CTNND2: variants seen among roughly 807,000 people sequenced by gnomAD.
CTNND2 encodes catenin delta-2.
A neutral mutation model predicts 144.4 loss-of-function variants in CTNND2; 22 were observed. The observed-to-expected ratio is 0.15, with a 90% confidence interval of 0.11 to 0.22. The LOEUF is 0.22. Ranked by LOEUF, CTNND2 falls within the 10% of genes least tolerant of loss-of-function variation. The pLI is 1.00. For synonymous variants in CTNND2, 751 were observed against 695.6 expected, an observed-to-expected ratio of 1.08 and a Z score of -1.25; for missense variants, 1,353 against 1,618.8, an observed-to-expected ratio of 0.84 and a Z score of 2.82.
intron 1 of CTNND2, among the ~76,000 whole-genome samples, chr5:11,785,369 G>C (rs925279763): frequency 6.6e-6 from 1 of 152,062 alleles, no homozygotes; most frequent in Admixed American, 6.6e-5. Context: ...GAGTAAAGAA[G>C]GGTTAATTCG....
intron 2 of CTNND2, among the ~76,000 whole-genome samples, chr5:11,701,910 T>G (rs145615167): frequency 2.1e-3 from 316 of 152,254 alleles, no homozygotes; most frequent in African/African-American, 7.3e-3. Flanking sequence ...CAACGGAAGT[T>G]TAAAGAGAAC....
chr5:11,285,990 T>C (rs892853733), intron 9 of CTNND2, among the ~76,000 whole-genome samples: 16 of 67,824 alleles, frequency 2.4e-4, no homozygotes, highest in Non-Finnish European at 3.9e-4. Context: ...GGAGTAATAT[T>C]ACAAATTAGA....
At chr5:11,234,428 G>A (rs936198614) in intron 10 of CTNND2, among the ~76,000 whole-genome samples, 2 of 152,206 alleles carry the variant, frequency 1.3e-5, no homozygotes, top group African/African-American at 4.8e-5. Flanking sequence ...TCATTTTAAA[G>A]ATTAGAAAAG....
At position 11,098,706 on chromosome 5, in the gene CTNND2, T is replaced by G; in HGVS notation, c.2506A>C (p.Lys836Gln). 2 of 1,614,160 alleles carry G rather than the reference T, an allele frequency of 1.2e-6. No individual in the cohort carries two copies. The highest frequency in any genetic ancestry group is 1.1e-5 in the South Asian group (1 of 91,080). ...GGGTGCCACAGCATCTGGATCCCTT[T>G]TGGTGGTTCAGCACAGTCTGGAAGA... ...GPLPDCAEPP[K>Q]GIQMLWHPSI... The change falls in exon 15 of 22, where the codon AAA becomes CAA. Residue 836 changes from lysine to glutamine, a missense_variant. Around this residue, in one of 4 missense-constraint regions of CTNND2, gnomAD observed 459 missense variants for 674.3 expected, o/e 0.68. Coordinates refer to ENST00000304623, the MANE Select transcript of CTNND2 (RefSeq NM_001332.4).
intron 5 of CTNND2, among the ~76,000 whole-genome samples, chr5:11,405,588 A>G (rs189665572): frequency 2.5e-4 from 38 of 152,004 alleles, no homozygotes; most frequent in East Asian, 2.1e-3. Flanking sequence ...TAAAAAAAAA[A>G]AGAGAGAGAA....
At position 11,283,502 on chromosome 5, in the gene CTNND2, C is replaced by T. The variant is rs1443522839; in HGVS notation, c.1629-46679G>A. Among the ~76,000 whole-genome samples, 12 of 151,716 alleles carry T rather than the reference C, an allele frequency of 7.9e-5. No homozygotes were observed. In the East Asian group the frequency reaches 1.9e-3, roughly 25 times the overall value. On this transcript the variant is annotated intron_variant, in intron 9 of 21. Coordinates refer to ENST00000304623, the MANE Select transcript of CTNND2 (RefSeq NM_001332.4). Reference sequence around the variant, plus strand: ...CAGCCTGGCCAACATAGTGAAACCCCGTCTCTACTAAAAATACAAAAATTA... The same window carrying T: ...CAGCCTGGCCAACATAGTGAAACCCTGTCTCTACTAAAAATACAAAAATTA...
chr5:11,574,638 T>C (rs1777835692), intron 2 of CTNND2, among the ~76,000 whole-genome samples: 1 of 152,196 alleles, frequency 6.6e-6, no homozygotes, highest in Non-Finnish European at 1.5e-5. Context: ...GAATTATACT[T>C]ATTGTACTGT....
chr5:11,595,447 T>A (rs1400627311), intron 2 of CTNND2, among the ~76,000 whole-genome samples: 1 of 152,168 alleles, frequency 6.6e-6, no homozygotes, highest in Non-Finnish European at 1.5e-5. Context: ...CAGTGTAGGG[T>A]ATATTAAATC....
intron 1 of CTNND2, among the ~76,000 whole-genome samples, chr5:11,896,768 A>G (rs1000522072): frequency 6.6e-6 from 1 of 152,176 alleles, no homozygotes; most frequent in African/African-American, 2.4e-5. Context: ...TGGGTATCAC[A>G]TTCAATATAG....
Position 11,422,452 on chromosome 5 carries a change from G to C in CTNND2, c.288-10383C>G, listed in dbSNP as rs144105892. On this transcript the variant is annotated intron_variant, in intron 3 of 21. Coordinates refer to ENST00000304623, the MANE Select transcript of CTNND2 (RefSeq NM_001332.4). Reference sequence around the variant, plus strand: ...CTATTAATTTTAGTTTGAGGCAGGGGAAATTCATATTCTTAAGCTAATTTT... The same window carrying C: ...CTATTAATTTTAGTTTGAGGCAGGGCAAATTCATATTCTTAAGCTAATTTT... 4.3e-3 allele frequency among the ~76,000 whole-genome samples: 657 copies of C among 152,238 alleles called. 4 individuals are homozygous for C. Among genetic ancestry groups the C allele is most frequent in the African/African-American group, 0.014 (601 of 41,562 alleles).
intron 16 of CTNND2, among the ~76,000 whole-genome samples, chr5:11,034,086 AG>A (rs554761273): frequency 1.3e-3 from 193 of 152,316 alleles, no homozygotes; most frequent in African/African-American, 4.4e-3. Flanking sequence ...CAGTATTTTC[AG>A]GTAAAGGAAA....
At chr5:11,145,889 C>T (rs1340922667) in intron 12 of CTNND2, among the ~76,000 whole-genome samples, 1 of 152,188 alleles carries the variant, frequency 6.6e-6, no homozygotes, top group Non-Finnish European at 1.5e-5. Context: ...ACTGAGCCAC[C>T]TGTCTGTCCC....
intron 9 of CTNND2, among the ~76,000 whole-genome samples, chr5:11,312,413 G>A (rs1163208499): frequency 1.3e-5 from 2 of 152,056 alleles, no homozygotes; most frequent in African/African-American, 4.8e-5. Context: ...ATGGCGGGAG[G>A]CGAAAGGCAG....
At chr5:11,178,224 T>C (rs527843938) in intron 11 of CTNND2, among the ~76,000 whole-genome samples, 12 of 152,298 alleles carry the variant, frequency 7.9e-5, no homozygotes, top group African/African-American at 2.6e-4. Context: ...AAATCAAAGA[T>C]GGATGAGCAT....
intron 3 of CTNND2, among the ~76,000 whole-genome samples, chr5:11,442,334 T>A (rs995892669): frequency 6.6e-6 from 1 of 152,194 alleles, no homozygotes; most frequent in Non-Finnish European, 1.5e-5. Flanking sequence ...TAAATTAGAA[T>A]CCCTTGTGAA....
chr5:11,518,213 G>A (rs925775185), intron 3 of CTNND2, among the ~76,000 whole-genome samples: 1 of 152,030 alleles, frequency 6.6e-6, no homozygotes, highest in African/African-American at 2.4e-5. Flanking sequence ...GTAGGCCTAG[G>A]CTAATAGGTG....
At chr5:10,985,988 G>A (rs1445641874) in intron 20 of CTNND2, among the ~76,000 whole-genome samples, 4 of 152,078 alleles carry the variant, frequency 2.6e-5, no homozygotes, top group East Asian at 3.9e-4. Context: ...AACAATCGGC[G>A]TTTACATAGC....
intron 2 of CTNND2, among the ~76,000 whole-genome samples, chr5:11,715,564 C>A (rs765692117): frequency 6.6e-6 from 1 of 152,166 alleles, no homozygotes; most frequent in Non-Finnish European, 1.5e-5. Flanking sequence ...ATACATGTGA[C>A]AAGTAGATTT....
At chr5:11,731,182 T>C (rs146488409) in intron 2 of CTNND2, among the ~76,000 whole-genome samples, 19 of 152,352 alleles carry the variant, frequency 1.2e-4, no homozygotes, top group South Asian at 8.3e-4. Flanking sequence ...TGGCACACTT[T>C]TGACTGATAG....
Sources: allele counts gnomAD v4.1 joint callset (sites outside exome capture counted in the v4.1 genomes callset), GRCh38; gene constraint gnomAD v4.1.1; regional missense constraint gnomAD v4.1.1; transcripts MANE v1.5; gene names NCBI Gene and HGNC (gene_info 2026-07-23, HGNC 2026-07-21).